The following IMMP1L variants were observed in gnomAD, a reference collection of about 807,000 sequenced individuals.
The protein encoded by IMMP1L is mitochondrial inner membrane protease subunit 1.
In IMMP1L, 24 loss-of-function variants were observed where a neutral mutation model predicts 21.8. The ratio of observed to expected loss-of-function variants is 1.10; its 90% CI spans 0.80 to 1.55. The LOEUF is 1.55. Ranked by LOEUF, IMMP1L falls within the 40% of genes most tolerant of loss-of-function variation. IMMP1L has a pLI of 0.00. For missense variants in IMMP1L, 195 were observed against 200.7 expected (o/e 0.97, Z 0.17); for synonymous variants, 46 against 62.8 (o/e 0.73, Z 1.26).
intron 1 of IMMP1L, among the ~76,000 whole-genome samples, chr11:31,475,576 A>T (rs1239784854): frequency 6.6e-6 from 1 of 152,092 alleles, no homozygotes; most frequent in East Asian, 1.9e-4. Context: ...CATTCTTTCT[A>T]AAAAATTTCT....
intron 4 of IMMP1L, among the ~76,000 whole-genome samples, chr11:31,433,993 G>C (rs1180859841): frequency 6.6e-6 from 1 of 152,108 alleles, no homozygotes; most frequent in Admixed American, 6.5e-5. Context: ...CAATACCAAA[G>C]CCAAACCTAT....
At chr11:31,437,375 A>G (rs1564965125) in intron 4 of IMMP1L, among the ~76,000 whole-genome samples, 1 of 152,154 alleles carries the variant, frequency 6.6e-6, no homozygotes, top group Non-Finnish European at 1.5e-5. Flanking sequence ...CGTCATGTGA[A>G]GTCATATGTG....
At chr11:31,463,451 T>C (rs1346342968) in intron 1 of IMMP1L, 146 bp from the exon 2 acceptor site, 1 of 675,906 alleles carries the variant, frequency 1.5e-6, no homozygotes, top group Non-Finnish European at 2.2e-6. Context: ...TGTTATCAGT[T>C]CTAATGATAT....
chr11:31,439,011 G>GT (rs1953221828), intron 4 of IMMP1L, among the ~76,000 whole-genome samples: 1 of 149,224 alleles, frequency 6.7e-6, no homozygotes, highest in African/African-American at 2.6e-5. Context: ...TTTTCTTGCT[G>GT]TTTTTTATAA....
At chr11:31,487,738 A>T (rs1955131479) in intron 1 of IMMP1L, among the ~76,000 whole-genome samples, 1 of 152,160 alleles carries the variant, frequency 6.6e-6, no homozygotes, top group African/African-American at 2.4e-5. Flanking sequence ...AAAACCCTAC[A>T]CAATTTACAA....
chr11:31,492,310 C>G (rs1955283055), intron 1 of IMMP1L, among the ~76,000 whole-genome samples: 1 of 152,152 alleles, frequency 6.6e-6, no homozygotes, highest in Non-Finnish European at 1.5e-5. Context: ...TTCAAATGTT[C>G]TTCTGCAGCT....
intron 4 of IMMP1L, among the ~76,000 whole-genome samples, chr11:31,435,012 G>T (rs1953071989): frequency 6.6e-6 from 1 of 152,164 alleles, no homozygotes; most frequent in Non-Finnish European, 1.5e-5. Context: ...TTAACATTCT[G>T]AAGTGTTATT....
At chr11:31,439,823 G>A (rs1332218288) in intron 4 of IMMP1L, among the ~76,000 whole-genome samples, 2 of 152,112 alleles carry the variant, frequency 1.3e-5, no homozygotes, top group Admixed American at 1.3e-4. Flanking sequence ...TTTTTCCAGA[G>A]TCTCTACTGA....
chr11:31,479,980 G>A (rs10488692), intron 1 of IMMP1L, among the ~76,000 whole-genome samples: 41,222 of 151,748 alleles, frequency 0.27, 5,889 homozygotes, highest in African/African-American at 0.35. Context: ...CTGCCAAATT[G>A]CTGACCATCG....
intron 4 of IMMP1L, among the ~76,000 whole-genome samples, chr11:31,435,795 C>A (rs1216841681): frequency 6.6e-6 from 1 of 152,088 alleles, no homozygotes; most frequent in Non-Finnish European, 1.5e-5. Flanking sequence ...TTTCTCATTT[C>A]TGTTATGAGC....
At chr11:31,464,318 G>A (rs1454154867) in intron 1 of IMMP1L, among the ~76,000 whole-genome samples, 1 of 151,762 alleles carries the variant, frequency 6.6e-6, no homozygotes, top group African/African-American at 2.4e-5. Context: ...TCCCAAAAAA[G>A]AAAAGCCCAG....
chr11:31,480,458 T>G lies in IMMP1L; in HGVS notation c.-29-17153A>C, dbSNP rs563225188. Among the ~76,000 whole-genome samples the G allele has an allele frequency of 7.2e-5, 11 of 152,142 alleles. 1 individual carries two copies. In the East Asian group the frequency reaches 1.5e-3, roughly 21 times the overall value. On this transcript the variant is annotated intron_variant, in intron 1 of 5. Transcript: ENST00000532287. Reference sequence around the variant, plus strand: ...TATTCATTTAGAATGACTAGACAACTGATACTATACAACTAAAACAAAGTC... The same window carrying G: ...TATTCATTTAGAATGACTAGACAACGGATACTATACAACTAAAACAAAGTC...
At chr11:31,467,602 T>C (rs1954401112) in intron 1 of IMMP1L, among the ~76,000 whole-genome samples, 1 of 152,096 alleles carries the variant, frequency 6.6e-6, no homozygotes, top group Non-Finnish European at 1.5e-5. Flanking sequence ...AAAAGATGCA[T>C]GTGTTGGGAA....
At chr11:31,470,863 A>T (rs1479066582) in intron 1 of IMMP1L, among the ~76,000 whole-genome samples, 1 of 152,266 alleles carries the variant, frequency 6.6e-6, no homozygotes, top group African/African-American at 2.4e-5. Flanking sequence ...TAGTGAAATA[A>T]GCCAGGCATA....
Position 31,475,399 on chromosome 11 carries a change from T to G in IMMP1L, c.-29-12094A>C, listed in dbSNP as rs932408756. 4.6e-5 allele frequency among the ~76,000 whole-genome samples: 7 copies of G among 152,322 alleles called. 1 individual carries two copies. The South Asian group carries it at 6.2e-4, about 14-fold the overall frequency. On this transcript the variant is annotated intron_variant, in intron 1 of 5. Transcript: ENST00000532287. ...AAAGAAATATCATTTAGCATTATCA[T>G]AGGCTAACCCTCACTGTGCCACAGT... is the stretch of plus-strand genomic sequence containing the variant.
intron 1 of IMMP1L, among the ~76,000 whole-genome samples, chr11:31,508,011 AG>A (rs1955834016): frequency 6.6e-6 from 1 of 152,100 alleles, no homozygotes; most frequent in South Asian, 2.1e-4. Flanking sequence ...AAATATTTGT[AG>A]GGGTGGGGGG....
At chr11:31,487,148 T>A (rs1397321468) in intron 1 of IMMP1L, among the ~76,000 whole-genome samples, 1 of 151,958 alleles carries the variant, frequency 6.6e-6, no homozygotes, top group African/African-American at 2.4e-5. Flanking sequence ...AAGGAAGGAT[T>A]CCTTTCTGCT....
intron 1 of IMMP1L, among the ~76,000 whole-genome samples, chr11:31,494,676 C>T (rs998644292): frequency 3.3e-5 from 5 of 151,908 alleles, no homozygotes; most frequent in Admixed American, 1.3e-4. Context: ...TAGTCTCACT[C>T]TGTCACCCAG....
intron 4 of IMMP1L, among the ~76,000 whole-genome samples, chr11:31,453,403 AT>A (rs760224804): frequency 5.1e-4 from 77 of 152,292 alleles, no homozygotes; most frequent in Admixed American, 2.2e-3. Context: ...AATATTGTTC[AT>A]TTTATTAAGC....
Sources: gnomAD v4.1 joint callset for allele counts (sites outside exome capture counted in the v4.1 genomes callset) on GRCh38, gnomAD v4.1.1 for gene constraint, MANE v1.5 for transcripts, NCBI Gene and HGNC (gene_info 2026-07-23, HGNC 2026-07-21) for gene names.